PCDHGA8: variants seen among roughly 807,000 people sequenced by gnomAD.
PCDHGA8 encodes the protein protocadherin gamma-A8.
PCDHGA8 carries 45 observed loss-of-function variants against 59.2 expected under a neutral mutation model. The observed-to-expected ratio is 0.76, with a 90% CI of 0.60 to 0.98. The LOEUF is 0.98. Ranked by LOEUF, PCDHGA8 falls within the 50% of genes least tolerant of loss-of-function variation. PCDHGA8 has a pLI of 0.00. For synonymous variants in PCDHGA8, 531 were observed against 519.0 expected (o/e 1.02, Z -0.32); for missense variants, 1,257 against 1,196.2 (o/e 1.05, Z -0.75).
chr5:141,483,573 G>A (rs2099583012), intron 1 of PCDHGA8, among the ~76,000 whole-genome samples: 1 of 152,072 alleles, frequency 6.6e-6, no homozygotes, highest in Non-Finnish European at 1.5e-5. Context: ...GTGAATTCTG[G>A]CATAAACACC....
intron 2 of PCDHGA8, among the ~76,000 whole-genome samples, chr5:141,500,812 T>C: frequency 6.6e-6 from 1 of 152,322 alleles, no homozygotes; most frequent in South Asian, 2.1e-4. Flanking sequence ...CATATGAATA[T>C]ACATATTATT....
chr5:141,470,262 A>C (rs924170384), intron 1 of PCDHGA8, among the ~76,000 whole-genome samples: 2 of 152,126 alleles, frequency 1.3e-5, no homozygotes, highest in African/African-American at 4.8e-5. Context: ...CTAAATGGAG[A>C]TACATGTTTG....
intron 1 of PCDHGA8, 33 bp from the exon 2 acceptor site, chr5:141,494,774 T>C (rs1462930792): frequency 6.2e-7 from 1 of 1,613,860 alleles, no homozygotes; most frequent in African/African-American, 1.3e-5. Flanking sequence ...TTCTCACGGG[T>C]ACTCAGCCCC....
intron 1 of PCDHGA8, chr5:141,424,694 T>C (rs2096834568): frequency 6.6e-6 from 1 of 152,252 alleles, no homozygotes; most frequent in East Asian, 1.9e-4. Flanking sequence ...TCTGGCTATT[T>C]TTTTGTTCAT....
chr5:141,421,467 G>T (rs1436543181), intron 1 of PCDHGA8: 1 of 1,614,132 alleles, frequency 6.2e-7, no homozygotes, highest in South Asian at 1.1e-5. Flanking sequence ...CTGTGAATCC[G>T]CGAAGCGGCA....
At chr5:141,424,215 G>T in intron 1 of PCDHGA8, 1 of 167,104 alleles carries the variant, frequency 6.0e-6, no homozygotes. Flanking sequence ...TTTTCTCTGA[G>T]CAATTTTATT....
intron 1 of PCDHGA8, among the ~76,000 whole-genome samples, chr5:141,458,726 C>T (rs1301761231): frequency 1.3e-5 from 2 of 151,992 alleles, no homozygotes; most frequent in African/African-American, 4.8e-5. Flanking sequence ...TTCGCCACCA[C>T]ATCCAGCTAT....
chr5:141,497,540 CTTT>C (rs754207034), intron 2 of PCDHGA8, among the ~76,000 whole-genome samples: 11 of 134,886 alleles, frequency 8.2e-5, no homozygotes, highest in African/African-American at 1.9e-4. Context: ...TGCAACAAAC[CTTT>C]TTTTTTTTTT....
At chr5:141,498,709 A>G (rs1245852373) in intron 2 of PCDHGA8, among the ~76,000 whole-genome samples, 2 of 152,148 alleles carry the variant, frequency 1.3e-5, no homozygotes, top group African/African-American at 4.8e-5. Context: ...AGGTGGGTGG[A>G]TCACCTGAGG....
intron 1 of PCDHGA8, among the ~76,000 whole-genome samples, chr5:141,456,464 A>T (rs1430885015): frequency 6.6e-6 from 1 of 152,192 alleles, no homozygotes; most frequent in Non-Finnish European, 1.5e-5. Flanking sequence ...TCAATACAAG[A>T]CATATAAGCA....
At chr5:141,397,627 T>C (rs2093547800) in intron 1 of PCDHGA8, among the ~76,000 whole-genome samples, 1 of 152,224 alleles carries the variant, frequency 6.6e-6, no homozygotes, top group African/African-American at 2.4e-5. Context: ...TAGTTCTAGC[T>C]AAGAGTTCAA....
At chr5:141,470,038 A>C (rs1256439782) in intron 1 of PCDHGA8, among the ~76,000 whole-genome samples, 1 of 152,204 alleles carries the variant, frequency 6.6e-6, no homozygotes, top group Non-Finnish European at 1.5e-5. Flanking sequence ...CTGAGGCGCG[A>C]GAACTGTTTG....
chr5:141,403,754 G>A (rs2094451238), intron 1 of PCDHGA8: 1 of 1,613,768 alleles, frequency 6.2e-7, no homozygotes, highest in African/African-American at 1.3e-5. Flanking sequence ...AACAGCCAGC[G>A]ACCTGGATGA....
At position 141,491,305 on chromosome 5, in the gene PCDHGA8, G is replaced by T. The variant is rs1461861151; in HGVS notation, c.2425-3502G>T. 6.2e-7 allele frequency: 1 copy of T among 1,614,176 alleles called. No homozygotes were observed. Among genetic ancestry groups the T allele is most frequent in the African/African-American group, 1.3e-5 (1 of 75,048 alleles). ...CCTCATACACCCTCCTGAGCGTTCA[G>T]ACCTTACCCTTTACCTCATTGTGGC... On this transcript the variant is annotated intron_variant, in intron 1 of 3. Coordinates refer to ENST00000398604, the MANE Select transcript of PCDHGA8 (RefSeq NM_032088.2). This position sits in a 1 kb window ranked among gnomAD's most constrained non-coding sequence, Gnocchi z 6.9.
chr5:141,462,657 T>G (rs949098251), intron 1 of PCDHGA8, among the ~76,000 whole-genome samples: 1 of 152,164 alleles, frequency 6.6e-6, no homozygotes, highest in East Asian at 1.9e-4. Flanking sequence ...TCCTCAATTA[T>G]CTTCATATTT....
intron 1 of PCDHGA8, 177 bp from the exon 2 acceptor site, chr5:141,494,630 C>T (rs991482599): frequency 5.8e-6 from 5 of 866,562 alleles, no homozygotes; most frequent in Non-Finnish European, 6.9e-6. Flanking sequence ...GTACCTCAGA[C>T]CTCTGAGACC....
chr5:141,405,016 C>A (rs538744733), intron 1 of PCDHGA8: 1 of 1,614,006 alleles, frequency 6.2e-7, no homozygotes, highest in African/African-American at 1.3e-5. Flanking sequence ...AGGCCTCAGA[C>A]CTTACCCTCT....
intron 1 of PCDHGA8, chr5:141,479,563 G>A (rs1469231382): frequency 2.6e-5 from 4 of 152,206 alleles, no homozygotes; most frequent in Admixed American, 2.0e-4. Context: ...ATCCAGTAGT[G>A]GGATGACATC....
intron 2 of PCDHGA8, among the ~76,000 whole-genome samples, chr5:141,501,212 A>G (rs936235563): frequency 1.9e-4 from 29 of 150,770 alleles, no homozygotes; most frequent in Admixed American, 1.8e-3. Flanking sequence ...TGTCAGGGTG[A>G]CTTCCTAGAT....
Sources: allele counts gnomAD v4.1 joint callset (sites outside exome capture counted in the v4.1 genomes callset), GRCh38; gene constraint gnomAD v4.1.1; non-coding constraint Gnocchi (gnomAD v3.1); transcripts MANE v1.5; gene names NCBI Gene and HGNC (gene_info 2026-07-23, HGNC 2026-07-21).